The following WWC2 variants were observed in gnomAD, a reference collection of about 807,000 sequenced individuals.
WWC2 encodes protein WWC2.
In WWC2, 101 loss-of-function variants were observed where a neutral mutation model predicts 138.5. The ratio of observed to expected loss-of-function variants is 0.73; its 90% CI spans 0.62 to 0.86. The LOEUF (loss-of-function observed/expected upper bound fraction) is 0.86, where lower values mean the gene tolerates loss of function less well. Among genes scored for constraint, WWC2 ranks in the 40% least tolerant of loss-of-function variants. WWC2 has a pLI of 0.00. For synonymous variants in WWC2, 558 were observed against 538.4 expected (o/e 1.04, Z -0.50); for missense variants, 1,420 against 1,419.4 (o/e 1.00, Z -0.01).
At chr4:183,262,325 A>G (rs1216787625) in intron 11 of WWC2, among the ~76,000 whole-genome samples, 1 of 152,200 alleles carries the variant, frequency 6.6e-6, no homozygotes, top group Non-Finnish European at 1.5e-5. Flanking sequence ...AAAATGTGAA[A>G]TAAAAGCCCC....
chr4:183,276,336 G>T (rs1737855041), intron 16 of WWC2, among the ~76,000 whole-genome samples: 1 of 150,984 alleles, frequency 6.6e-6, no homozygotes, highest in African/African-American at 2.4e-5. Context: ...GATATATTTG[G>T]GTTTGATCCT....
At chr4:183,191,412 T>C (rs1343861009) in intron 1 of WWC2, among the ~76,000 whole-genome samples, 1 of 152,222 alleles carries the variant, frequency 6.6e-6, no homozygotes, top group Non-Finnish European at 1.5e-5. Flanking sequence ...AAGCTTACCA[T>C]TTCTCGGGTG....
chr4:183,206,508 T>C (rs1267805213), intron 2 of WWC2, among the ~76,000 whole-genome samples: 1 of 152,234 alleles, frequency 6.6e-6, no homozygotes, highest in Non-Finnish European at 1.5e-5. Flanking sequence ...CATGTATTAC[T>C]GAATACTACA....
At chr4:183,124,334 T>C (rs993420165) in intron 1 of WWC2, among the ~76,000 whole-genome samples, 8 of 151,988 alleles carry the variant, frequency 5.3e-5, no homozygotes, top group African/African-American at 1.9e-4. Flanking sequence ...CCTGTTCTCA[T>C]TTATAGCTTT....
chr4:183,118,939 G>A (rs1732510807), intron 1 of WWC2, among the ~76,000 whole-genome samples: 1 of 149,834 alleles, frequency 6.7e-6, no homozygotes, highest in African/African-American at 2.5e-5. Flanking sequence ...TTGTAATCCT[G>A]TCTCTCATCC....
intron 1 of WWC2, among the ~76,000 whole-genome samples, chr4:183,100,142 C>A (rs972078607): frequency 6.6e-6 from 1 of 152,230 alleles, no homozygotes; most frequent in South Asian, 2.1e-4. Flanking sequence ...GGGCTCCCGC[C>A]CCCCGCCGGG....
At chr4:183,177,629 T>C (rs1036383212) in intron 1 of WWC2, among the ~76,000 whole-genome samples, 1 of 152,154 alleles carries the variant, frequency 6.6e-6, no homozygotes, top group African/African-American at 2.4e-5. Flanking sequence ...GAAACTTGAA[T>C]CTAAGTTTAA....
intron 1 of WWC2, among the ~76,000 whole-genome samples, chr4:183,192,960 T>C (rs938078320): frequency 1.3e-5 from 2 of 152,180 alleles, no homozygotes; most frequent in Non-Finnish European, 2.9e-5. Context: ...AGAAAGCGTC[T>C]TAAAGAAAAA....
At chr4:183,141,873 G>A (rs777966366) in intron 1 of WWC2, among the ~76,000 whole-genome samples, 124 of 152,182 alleles carry the variant, frequency 8.1e-4, no homozygotes, top group Admixed American at 4.6e-4. Flanking sequence ...GCTAGGCACT[G>A]CTTGTAGCCA....
chr4:183,273,597 C>T (rs1737765627), intron 16 of WWC2, among the ~76,000 whole-genome samples: 1 of 152,152 alleles, frequency 6.6e-6, no homozygotes, highest in African/African-American at 2.4e-5. Context: ...GCCACCGCAC[C>T]CAGCCTGTTT....
chr4:183,184,508 G>A (rs1734736334), intron 1 of WWC2, among the ~76,000 whole-genome samples: 1 of 152,158 alleles, frequency 6.6e-6, no homozygotes, highest in African/African-American at 2.4e-5. Flanking sequence ...AAGTAGTATT[G>A]TGGGATCATA....
At position 183,100,984 on chromosome 4, in the gene WWC2, G is replaced by C. The variant is rs192523521; in HGVS notation, c.131+1362G>C. Reference sequence around the variant, plus strand: ...GTCATAAACTTCACGCTCCAAGCCAGTTATTTGACTTATGCTATTGCACTT... The same window carrying C: ...GTCATAAACTTCACGCTCCAAGCCACTTATTTGACTTATGCTATTGCACTT... On this transcript the variant is annotated intron_variant, in intron 1 of 22. Transcript: ENST00000403733. Among the ~76,000 whole-genome samples, 412 of 152,316 alleles carry C rather than the reference G, an allele frequency of 2.7e-3. 5 individuals are homozygous for C. Among genetic ancestry groups the C allele is most frequent in the Non-Finnish European group, 2.6e-3 (179 of 68,028 alleles).
Position 183,250,027 on chromosome 4 carries a change from A to G in WWC2, c.953+34A>G, listed in dbSNP as rs769618323. On this transcript the variant is annotated intron_variant, in intron 8 of 22. Coordinates refer to ENST00000403733, the MANE Select transcript of WWC2 (RefSeq NM_024949.6). ...AGAGAAGCTGTTTTGTGCATGGCTC[A>G]AACATTTTCTTTTCCAGAATTAATC... 3.8e-6 allele frequency: 6 copies of G among 1,582,434 alleles called. No homozygotes were observed. The African/African-American group carries it at 6.7e-5, about 18-fold the overall frequency.
At chr4:183,209,731 A>T (rs747006678) in intron 4 of WWC2, among the ~76,000 whole-genome samples, 11 of 152,208 alleles carry the variant, frequency 7.2e-5, no homozygotes, top group Non-Finnish European at 1.5e-4. Flanking sequence ...ATAATGCCTC[A>T]TGGAGAGGTG....
intron 4 of WWC2, chr4:183,233,626 A>T: frequency 6.6e-6 from 1 of 151,970 alleles, no homozygotes; most frequent in East Asian, 1.9e-4. Flanking sequence ...TAAAAAAAAT[A>T]ATTGTGTTTA....
At chr4:183,107,365 C>G (rs1171564495) in intron 1 of WWC2, among the ~76,000 whole-genome samples, 1 of 152,122 alleles carries the variant, frequency 6.6e-6, no homozygotes, top group Non-Finnish European at 1.5e-5. Context: ...TTGGGCCGGT[C>G]TCGAACTTTT....
intron 1 of WWC2, among the ~76,000 whole-genome samples, chr4:183,184,418 A>G (rs1331179944): frequency 6.6e-6 from 1 of 152,170 alleles, no homozygotes; most frequent in Non-Finnish European, 1.5e-5. Flanking sequence ...TTTGGCTATT[A>G]TGAATAATGC....
Position 183,099,625 on chromosome 4 carries a change from G to A in WWC2, c.131+3G>A, listed in dbSNP as rs1224578553. ...AGCTGGATCGACCCCCGGGACAGGT[G>A]GGCGCCGGCCGCGGGGGCGCGGGCC... On this transcript the variant is annotated splice_donor_region_variant and intron_variant, in intron 1 of 22. Coordinates refer to ENST00000403733, the MANE Select transcript of WWC2 (RefSeq NM_024949.6). 7.5e-7 allele frequency: 1 copy of A among 1,336,866 alleles called. No homozygotes were observed. Among genetic ancestry groups the A allele is most frequent in the Non-Finnish European group, 9.7e-7 (1 of 1,027,192 alleles). The allele number at this position is 1,336,866 out of a possible 1,614,324, so 82.8% of individuals were successfully genotyped here.
chr4:183,171,328 G>T (rs374047445), intron 1 of WWC2, among the ~76,000 whole-genome samples: 32 of 152,228 alleles, frequency 2.1e-4, no homozygotes, highest in African/African-American at 7.7e-4. Flanking sequence ...ATTTCCAAAT[G>T]AAAACTGGAA....
Sources: gnomAD v4.1 joint callset for allele counts (sites outside exome capture counted in the v4.1 genomes callset) on GRCh38, gnomAD v4.1.1 for gene constraint, MANE v1.5 for transcripts, NCBI Gene and HGNC (gene_info 2026-07-23, HGNC 2026-07-21) for gene names.